DPYD: variants seen among roughly 807,000 people sequenced by gnomAD.
The protein encoded by DPYD is dihydropyrimidine dehydrogenase.
DPYD carries 109 observed loss-of-function variants against 116.2 expected under a neutral mutation model. The observed-to-expected ratio is 0.94, with a 90% confidence interval of 0.80 to 1.10. The LOEUF is 1.10. DPYD is among the 50% of genes least tolerant of loss of function. DPYD has a pLI of 0.00. For missense variants in DPYD, 1,302 were observed against 1,254.5 expected (o/e 1.04, Z -0.57); for synonymous variants, 440 against 432.0 (o/e 1.02, Z -0.23).
intron 12 of DPYD, among the ~76,000 whole-genome samples, chr1:97,518,009 C>A (rs539087817): frequency 6.6e-6 from 1 of 152,078 alleles, no homozygotes; most frequent in Non-Finnish European, 1.5e-5. Flanking sequence ...ATGTGTAGTT[C>A]AACTTGCATT....
At chr1:97,556,933 T>C (rs1342265203) in intron 11 of DPYD, among the ~76,000 whole-genome samples, 2 of 150,460 alleles carry the variant, frequency 1.3e-5, no homozygotes, top group Admixed American at 6.6e-5. Flanking sequence ...ATTGCCACAC[T>C]GACTTCCACA....
intron 12 of DPYD, among the ~76,000 whole-genome samples, chr1:97,525,985 G>A (rs1354430445): frequency 6.8e-6 from 1 of 148,032 alleles, no homozygotes; most frequent in Non-Finnish European, 1.5e-5. Flanking sequence ...AAGAGTGTGT[G>A]TGTGTGTGTG....
At chr1:97,538,216 AAAG>A (rs1650163324) in intron 12 of DPYD, among the ~76,000 whole-genome samples, 1 of 152,224 alleles carries the variant, frequency 6.6e-6, no homozygotes, top group African/African-American at 2.4e-5. Flanking sequence ...CAGCTCACAG[AAAG>A]AAGATGGAAT....
intron 3 of DPYD, among the ~76,000 whole-genome samples, chr1:97,812,486 T>C (rs1668387514): frequency 6.6e-6 from 1 of 152,102 alleles, no homozygotes; most frequent in African/African-American, 2.4e-5. Flanking sequence ...CTTCAAACAC[T>C]AAGGACTTTT....
chr1:97,503,479 G>A (rs747470256), intron 13 of DPYD, among the ~76,000 whole-genome samples: 2 of 152,048 alleles, frequency 1.3e-5, no homozygotes, highest in Non-Finnish European at 2.9e-5. Context: ...GAGCAGGGCA[G>A]AGATACTAAG....
intron 12 of DPYD, 34 bp from the exon 13 acceptor site, chr1:97,515,975 T>C: frequency 6.3e-7 from 1 of 1,576,064 alleles, no homozygotes; most frequent in Non-Finnish European, 8.7e-7. Flanking sequence ...GGTTTCATAT[T>C]ACATCTAAAT....
intron 20 of DPYD, among the ~76,000 whole-genome samples, chr1:97,134,028 T>A (rs1468378957): frequency 0.33 from 4,312 of 13,186 alleles, 750 homozygotes; most frequent in East Asian, 0.57. Context: ...TATATATATA[T>A]ATATATATAT....
chr1:97,263,550 T>C (rs982713435), intron 18 of DPYD, among the ~76,000 whole-genome samples: 5 of 152,118 alleles, frequency 3.3e-5, no homozygotes, highest in African/African-American at 9.7e-5. Flanking sequence ...TTGAAGCTTA[T>C]ATAGCCATTA....
chr1:97,103,158 G>A (rs1650872343), intron 20 of DPYD, among the ~76,000 whole-genome samples: 1 of 152,030 alleles, frequency 6.6e-6, no homozygotes, highest in African/African-American at 2.4e-5. Context: ...CATGATTCAA[G>A]GTAGCACAGG....
chr1:97,433,569 T>C (rs1675298918), intron 14 of DPYD, among the ~76,000 whole-genome samples: 1 of 152,152 alleles, frequency 6.6e-6, no homozygotes, highest in Admixed American at 6.5e-5. Flanking sequence ...TATCTTTTGT[T>C]ATGGTTATTA....
intron 10 of DPYD, among the ~76,000 whole-genome samples, chr1:97,575,178 AGAT>A (rs1653185033): frequency 6.6e-6 from 1 of 152,192 alleles, no homozygotes; most frequent in East Asian, 1.9e-4. Context: ...TCTAGTGCAC[AGAT>A]GATACTTTGT....
At chr1:97,754,188 C>T (rs891128015) in intron 3 of DPYD, among the ~76,000 whole-genome samples, 1 of 151,796 alleles carries the variant, frequency 6.6e-6, no homozygotes, top group Non-Finnish European at 1.5e-5. Flanking sequence ...ACCACGTTTT[C>T]GGGCAATGGC....
intron 20 of DPYD, among the ~76,000 whole-genome samples, chr1:97,190,252 TTATTG>T (rs1252172054): frequency 1.3e-5 from 2 of 152,158 alleles, no homozygotes; most frequent in Non-Finnish European, 2.9e-5. Flanking sequence ...TCAAAATTAT[TTATTG>T]TTTACTTTCT....
intron 19 of DPYD, among the ~76,000 whole-genome samples, chr1:97,227,127 C>G (rs767610445): frequency 1.3e-5 from 2 of 151,754 alleles, no homozygotes; most frequent in Admixed American, 1.3e-4. Flanking sequence ...AAGATCGAGA[C>G]CATCCTGGCC....
intron 20 of DPYD, among the ~76,000 whole-genome samples, chr1:97,163,763 T>C (rs1302651463): frequency 6.6e-6 from 1 of 152,126 alleles, no homozygotes; most frequent in African/African-American, 2.4e-5. Context: ...CCTCATGACT[T>C]AATTACCTTC....
At chr1:97,309,010 G>T (rs1287357813) in intron 16 of DPYD, among the ~76,000 whole-genome samples, 2 of 151,710 alleles carry the variant, frequency 1.3e-5, no homozygotes, top group African/African-American at 4.8e-5. Flanking sequence ...GTGAAAACTT[G>T]GCAACTTGGC....
At chr1:97,376,723 C>T (rs1671638438) in intron 15 of DPYD, among the ~76,000 whole-genome samples, 1 of 152,122 alleles carries the variant, frequency 6.6e-6, no homozygotes, top group African/African-American at 2.4e-5. Flanking sequence ...AGTTTAGTCA[C>T]TTACCCAGAG....
At chr1:97,342,398 C>T (rs1669632021) in intron 16 of DPYD, among the ~76,000 whole-genome samples, 1 of 152,032 alleles carries the variant, frequency 6.6e-6, no homozygotes, top group African/African-American at 2.4e-5. Context: ...AACTTGGAAA[C>T]CTGTTATTAT....
intron 1 of DPYD, among the ~76,000 whole-genome samples, chr1:97,897,192 T>C (rs1673117714): frequency 6.6e-6 from 1 of 151,940 alleles, no homozygotes; most frequent in Non-Finnish European, 1.5e-5. Flanking sequence ...AATTCTACAC[T>C]GAAAGTTTTT....
Sources: allele counts gnomAD v4.1 joint callset (sites outside exome capture counted in the v4.1 genomes callset), GRCh38; gene constraint gnomAD v4.1.1; transcripts MANE v1.5; gene names NCBI Gene and HGNC (gene_info 2026-07-23, HGNC 2026-07-21).